OARD1: variants seen among roughly 807,000 people sequenced by gnomAD.
OARD1 encodes ADP-ribose glycohydrolase OARD1.
In OARD1, 19 loss-of-function variants were observed where a neutral mutation model predicts 19.7. The observed-to-expected ratio is 0.96, with a 90% CI of 0.67 to 1.41. OARD1 has a LOEUF of 1.41. Among genes scored for constraint, OARD1 ranks in the 40% most tolerant of loss-of-function variants. OARD1 has a pLI of 0.00. For synonymous variants in OARD1, 70 were observed against 61.8 expected, an observed-to-expected ratio of 1.13 and a Z score of -0.62; for missense variants, 190 against 183.8, an observed-to-expected ratio of 1.03 and a Z score of -0.20.
chr6:41,081,573 A>G (rs1390393558), intron 1 of OARD1, among the ~76,000 whole-genome samples: 2 of 152,224 alleles, frequency 1.3e-5, no homozygotes, highest in African/African-American at 2.4e-5. Flanking sequence ...TTGTGTTACA[A>G]TGGAGAAGGA....
intron 1 of OARD1, among the ~76,000 whole-genome samples, chr6:41,078,026 A>G (rs1239858272): frequency 1.3e-5 from 2 of 152,190 alleles, no homozygotes; most frequent in African/African-American, 4.8e-5. Context: ...TAGAAATAAG[A>G]ATTTTCAAGT....
At chr6:41,068,337 A>G (rs983107199) in intron 5 of OARD1, among the ~76,000 whole-genome samples, 2 of 152,224 alleles carry the variant, frequency 1.3e-5, no homozygotes, top group African/African-American at 4.8e-5. Context: ...AAAGTCTAAG[A>G]AGTTACATCA....
chr6:41,070,515 A>C (rs922210539), intron 3 of OARD1, among the ~76,000 whole-genome samples: 6 of 152,278 alleles, frequency 3.9e-5, no homozygotes, highest in Non-Finnish European at 8.8e-5. Context: ...AAAGAGCTGT[A>C]TAAGGCATTA....
intron 1 of OARD1, chr6:41,090,373 G>T (rs1484112465): frequency 2.1e-6 from 2 of 933,788 alleles, no homozygotes; most frequent in African/African-American, 3.3e-5. Context: ...TTAGACAACT[G>T]ACATCTTTAG....
chr6:41,089,726 C>G lies in OARD1; in HGVS notation c.-42+7987G>C, dbSNP rs377660329. 31 of 1,609,110 alleles carry G rather than the reference C, an allele frequency of 1.9e-5. No homozygotes were observed. The African/African-American group carries it at 3.3e-4, about 17-fold the overall frequency. On this transcript the variant is annotated intron_variant, in intron 1 of 4. Coordinates refer to the OARD1 transcript ENST00000480585. Reference sequence around the variant, plus strand: ...CCAGACTCAGGTAATTCCACTAGCTCTGTCACACAGGAGCAAAACTGATTT... The same window carrying G: ...CCAGACTCAGGTAATTCCACTAGCTGTGTCACACAGGAGCAAAACTGATTT...
chr6:41,095,019 C>T (rs1764310069), intron 1 of OARD1, among the ~76,000 whole-genome samples: 1 of 152,176 alleles, frequency 6.6e-6, no homozygotes, highest in South Asian at 2.1e-4. Context: ...CTAATCCTCT[C>T]TTCTTTGGCT....
chr6:41,087,178 T>G (rs367683485), intron 1 of OARD1, among the ~76,000 whole-genome samples: 1 of 152,224 alleles, frequency 6.6e-6, no homozygotes, highest in East Asian at 1.9e-4. Context: ...AGAAATGAAG[T>G]TGGTTCACAT....
In OARD1 at chr6:41,071,675, G is replaced by A. The variant is rs777429290; in HGVS notation, c.-41C>T. 2 of 1,564,918 alleles carry A rather than the reference G, an allele frequency of 1.3e-6. No homozygotes were observed. On this transcript the variant is annotated splice_region_variant and 5_prime_UTR_variant, in exon 2 of 6. Coordinates refer to ENST00000424266, the MANE Select transcript of OARD1 (RefSeq NM_001329686.2). Reference sequence around the variant, plus strand: ...TTTCCAGAATTTAAGTGTTTCTTCAGCTATGAGAAGGGAAAAGGAAGTAAA... The same window carrying A: ...TTTCCAGAATTTAAGTGTTTCTTCAACTATGAGAAGGGAAAAGGAAGTAAA...
chr6:41,080,913 A>G (rs1274890472), intron 1 of OARD1: 3 of 1,604,900 alleles, frequency 1.9e-6, no homozygotes, highest in Non-Finnish European at 2.6e-6. Context: ...ACCCTCTCTG[A>G]TTCTCTGTGA....
upstream of OARD1, among the ~76,000 whole-genome samples, chr6:41,073,401 C>T (rs1019973842): frequency 2.6e-5 from 4 of 151,928 alleles, no homozygotes; most frequent in African/African-American, 7.2e-5. Flanking sequence ...CCCAGGTTCT[C>T]AGGCCCCAGG....
At chr6:41,074,730 A>G (rs1005020200), upstream of OARD1, among the ~76,000 whole-genome samples, 1 of 152,222 alleles carries the variant, frequency 6.6e-6, no homozygotes, top group Non-Finnish European at 1.5e-5. Flanking sequence ...AACAGTTATT[A>G]TTTTGTATGG....
At chr6:41,079,398 A>T (rs1763845825) in intron 1 of OARD1, among the ~76,000 whole-genome samples, 1 of 152,206 alleles carries the variant, frequency 6.6e-6, no homozygotes, top group African/African-American at 2.4e-5. Context: ...AAGTAAAAAC[A>T]TCTAGTCTGG....
intron 1 of OARD1, among the ~76,000 whole-genome samples, chr6:41,094,885 G>GA (rs1764304925): frequency 6.6e-6 from 1 of 152,150 alleles, no homozygotes; most frequent in Admixed American, 6.5e-5. Context: ...ATTCTTTCTT[G>GA]AAAATCACAC....
intron 1 of OARD1, among the ~76,000 whole-genome samples, chr6:41,082,170 T>TCCTTTCAATCCCACCCCTACCCCTGCCA (rs1763929134): frequency 6.6e-6 from 1 of 152,196 alleles, no homozygotes; most frequent in Non-Finnish European, 1.5e-5. Context: ...CATCACTTTA[T>TCCTTTCAATCCCACCCCTACCCCTGCCA]CCTTTCAATC....
intron 1 of OARD1, chr6:41,091,478 C>G: frequency 6.3e-7 from 1 of 1,581,152 alleles, no homozygotes; most frequent in Non-Finnish European, 8.6e-7. Flanking sequence ...TCCCTTCTTT[C>G]TGTTCTGTGT....
upstream of OARD1, chr6:41,073,223 C>T (rs569253733): frequency 6.6e-6 from 1 of 151,482 alleles, no homozygotes; most frequent in East Asian, 2.0e-4. Context: ...AGCCGGGCGG[C>T]CAGCGGCCCC....
At chr6:41,084,216 A>G in intron 1 of OARD1, 1 of 1,612,442 alleles carries the variant, frequency 6.2e-7, no homozygotes, top group Non-Finnish European at 8.5e-7. Flanking sequence ...AAAAATATTG[A>G]GCAGTATATC....
rs114634567 is a variant in OARD1 at position 41,097,551 on chromosome 6, T to A, written c.-42+162A>T. ...AACCACTTAGTTTTTAATAAGTGGC[T>A]CAGTATTACAATTGCAGCGATGCCT... On this transcript the variant is annotated intron_variant, in intron 1 of 4. Coordinates refer to the OARD1 transcript ENST00000480585. The A allele has an allele frequency of 3.7e-6, 3 of 808,760 alleles. No individual in the cohort carries two copies. In the South Asian group the frequency reaches 5.2e-5, roughly 14 times the overall value. The allele number at this position is 808,760 out of a possible 1,614,324, so 50.1% of individuals were successfully genotyped here.
chr6:41,067,491 C>T lies in OARD1; in HGVS notation c.357-54G>A, dbSNP rs569177361. On this transcript the variant is annotated intron_variant, in intron 5 of 5. Coordinates refer to ENST00000424266, the MANE Select transcript of OARD1 (RefSeq NM_001329686.2). ...GGTAACGAAAGTATCTAGGAAACTGCTCCTCTCTTTTAAGCTATATCCACT... is the reference window on the plus strand; with the variant it reads ...GGTAACGAAAGTATCTAGGAAACTGTTCCTCTCTTTTAAGCTATATCCACT... The T allele has an allele frequency of 1.8e-4, 219 of 1,228,234 alleles. 8 individuals carry two copies. The South Asian group carries it at 2.7e-3, about 15-fold the overall frequency. The allele number at this position is 1,228,234 out of a possible 1,614,324, so 76.1% of individuals were successfully genotyped here. A position where few individuals can be genotyped will look rare whatever the true frequency, so the allele number is the denominator to read the frequency against.
Sources: allele counts gnomAD v4.1 joint callset (sites outside exome capture counted in the v4.1 genomes callset), GRCh38; gene constraint gnomAD v4.1.1; transcripts MANE v1.5; gene names NCBI Gene and HGNC (gene_info 2026-07-23, HGNC 2026-07-21).